SEMA3A: variants seen among roughly 807,000 people sequenced by gnomAD.
SEMA3A encodes semaphorin 3A.
SEMA3A carries 29 observed loss-of-function variants against 97.9 expected under a neutral mutation model. The observed-to-expected ratio is 0.30, with a 90% CI of 0.22 to 0.40. The LOEUF (loss-of-function observed/expected upper bound fraction) is 0.40. SEMA3A is among the 10% of genes least tolerant of loss of function. The pLI is 1.00. For synonymous variants in SEMA3A, 321 were observed against 323.7 expected (o/e 0.99, Z 0.09); for missense variants, 763 against 951.3 (o/e 0.80, Z 2.60).
At chr7:84,298,177 T>C (rs1800915367) in intron 3 of SEMA3A, among the ~76,000 whole-genome samples, 1 of 152,186 alleles carries the variant, frequency 6.6e-6, no homozygotes, top group African/African-American at 2.4e-5. Context: ...AAATTATTTC[T>C]TCTGCCTATC....
chr7:84,482,495 C>G (rs1237543720), intron 1 of SEMA3A, among the ~76,000 whole-genome samples: 1 of 152,086 alleles, frequency 6.6e-6, no homozygotes, highest in African/African-American at 2.4e-5. Flanking sequence ...CTAAAATATT[C>G]TGAGACTGTT....
intron 7 of SEMA3A, among the ~76,000 whole-genome samples, chr7:84,012,613 T>C (rs1378243062): frequency 6.6e-6 from 1 of 152,224 alleles, no homozygotes; most frequent in Non-Finnish European, 1.5e-5. Context: ...AAATATTTTA[T>C]AAGCTGAAGG....
In SEMA3A at chr7:84,435,322, C is replaced by T. The variant is rs771627501; in HGVS notation, c.-246+57138G>A. Reference sequence around the variant, plus strand: ...TGTCCAAAGAGGTGAAAGATCTCTACGAGGAGGCTGGGTGCAGTGGCTCAT... The same window carrying T: ...TGTCCAAAGAGGTGAAAGATCTCTATGAGGAGGCTGGGTGCAGTGGCTCAT... On this transcript the variant is annotated intron_variant, in intron 1 of 3. Coordinates refer to the SEMA3A transcript ENST00000424555. Among the ~76,000 whole-genome samples, 144 of 151,882 alleles carry T rather than the reference C, an allele frequency of 9.5e-4. 1 individual carries two copies. Among genetic ancestry groups the T allele is most frequent in the Non-Finnish European group, 1.4e-3 (96 of 67,984 alleles).
intron 4 of SEMA3A, among the ~76,000 whole-genome samples, chr7:84,083,031 TAAC>T (rs1408308792): frequency 1.3e-5 from 2 of 151,852 alleles, no homozygotes; most frequent in African/African-American, 4.8e-5. Context: ...CAGTAATATA[TAAC>T]AACATTTTAA....
intron 3 of SEMA3A, among the ~76,000 whole-genome samples, chr7:84,221,207 A>G (rs1312397779): frequency 2.6e-5 from 4 of 152,206 alleles, no homozygotes; most frequent in Non-Finnish European, 2.9e-5. Flanking sequence ...TTTCTTCTGT[A>G]GCTTCTGCAC....
At chr7:84,037,552 T>C (rs900795733) in intron 6 of SEMA3A, among the ~76,000 whole-genome samples, 2 of 152,128 alleles carry the variant, frequency 1.3e-5, no homozygotes, top group Non-Finnish European at 1.5e-5. Context: ...GAGAAATCTG[T>C]AAACACGTTG....
chr7:84,039,323 G>C (rs540618806), intron 6 of SEMA3A, among the ~76,000 whole-genome samples: 1 of 152,170 alleles, frequency 6.6e-6, no homozygotes, highest in African/African-American at 2.4e-5. Flanking sequence ...GGAGGACCTG[G>C]GATATAAACT....
Position 84,085,452 on chromosome 7 carries a change from T to C in SEMA3A, c.454-24894A>G, listed in dbSNP as rs1402520587. Among the ~76,000 whole-genome samples the C allele has an allele frequency of 1.5e-4, 22 of 151,230 alleles. 1 individual carries two copies. Among genetic ancestry groups the C allele is most frequent in the Admixed American group, 1.4e-3 (22 of 15,182 alleles). On this transcript the variant is annotated intron_variant, in intron 4 of 16. Coordinates refer to ENST00000265362, the MANE Select transcript of SEMA3A (RefSeq NM_006080.3). ...TGGATGAGGGCAATGAGTGAACACATATGGAAGTGAAAAACTGTAGTAAGA... is the reference window on the plus strand; with the variant it reads ...TGGATGAGGGCAATGAGTGAACACACATGGAAGTGAAAAACTGTAGTAAGA...
chr7:84,322,820 A>G (rs543556945), intron 2 of SEMA3A, among the ~76,000 whole-genome samples: 96 of 152,246 alleles, frequency 6.3e-4, no homozygotes, highest in Non-Finnish European at 1.2e-3. Context: ...GTGAAATCAC[A>G]TCAGTCATGT....
chr7:84,020,949 A>G (rs963613117), intron 6 of SEMA3A, among the ~76,000 whole-genome samples: 1 of 152,220 alleles, frequency 6.6e-6, no homozygotes, highest in African/African-American at 2.4e-5. Flanking sequence ...TGAGAAATTA[A>G]CACAATTTAA....
At chr7:84,296,956 T>C (rs1315243357) in intron 3 of SEMA3A, among the ~76,000 whole-genome samples, 1 of 152,076 alleles carries the variant, frequency 6.6e-6, no homozygotes, top group Admixed American at 6.6e-5. Flanking sequence ...AAAAACAGTT[T>C]GATATTCTTT....
chr7:84,146,460 A>AT (rs57407128), intron 1 of SEMA3A, among the ~76,000 whole-genome samples: 12 of 152,060 alleles, frequency 7.9e-5, no homozygotes, highest in African/African-American at 2.9e-4. Flanking sequence ...ATTTCTCCAC[A>AT]TTTTTTTGCT....
At chr7:84,160,720 A>C (rs1380804234) in intron 1 of SEMA3A, among the ~76,000 whole-genome samples, 1 of 151,818 alleles carries the variant, frequency 6.6e-6, no homozygotes, top group African/African-American at 2.4e-5. Context: ...TCTACTAATA[A>C]TACAAAAAAA....
intron 12 of SEMA3A, among the ~76,000 whole-genome samples, chr7:83,992,722 G>T (rs1376256299): frequency 6.6e-6 from 1 of 151,992 alleles, no homozygotes; most frequent in African/African-American, 2.4e-5. Context: ...ATTTGCTGAG[G>T]AGAGCTTCCC....
intron 1 of SEMA3A, among the ~76,000 whole-genome samples, chr7:84,396,675 C>T (rs548538794): frequency 6.6e-6 from 1 of 151,958 alleles, no homozygotes; most frequent in Non-Finnish European, 1.5e-5. Context: ...ATTGAACAAA[C>T]CTCCAAAGAT....
intron 2 of SEMA3A, among the ~76,000 whole-genome samples, chr7:84,320,368 C>T (rs1412375963): frequency 6.6e-6 from 1 of 151,718 alleles, no homozygotes; most frequent in Non-Finnish European, 1.5e-5. Context: ...ATGTTTCTTC[C>T]AGTACAATGA....
At chr7:84,354,795 C>T (rs1802517462) in intron 2 of SEMA3A, among the ~76,000 whole-genome samples, 1 of 151,406 alleles carries the variant, frequency 6.6e-6, no homozygotes, top group African/African-American at 2.4e-5. Flanking sequence ...ATGCCCCACA[C>T]GCAGAACAAA....
rs1156300882 is a variant in SEMA3A at position 84,099,182 on chromosome 7, TGCCTCAGCCTCCC to T, written c.453+11275_453+11287del. On this transcript the variant is annotated intron_variant, in intron 4 of 16. Transcript: ENST00000265362. ...GCCTCCCGGGTTCACGCCATTCTCC[TGCCTCAGCCTCCC>T]GAGTAGCTGGGACTACAGGCGCCCG... Among the ~76,000 whole-genome samples the T allele has an allele frequency of 4.6e-5, 5 of 108,736 alleles. 2 individuals are homozygous for T. Among genetic ancestry groups the T allele is most frequent in the Non-Finnish European group, 1.1e-4 (5 of 45,932 alleles). The allele number at this position is 108,736 out of a possible 152,430, so 71.3% of individuals were successfully genotyped here.
chr7:84,025,096 A>C (rs1791500995), intron 6 of SEMA3A, among the ~76,000 whole-genome samples: 1 of 152,276 alleles, frequency 6.6e-6, no homozygotes, highest in Middle Eastern at 3.4e-3. Context: ...TTAAATGAAT[A>C]AATAAATAAA....
Sources: allele counts gnomAD v4.1 joint callset (sites outside exome capture counted in the v4.1 genomes callset), GRCh38; gene constraint gnomAD v4.1.1; transcripts MANE v1.5; gene names NCBI Gene and HGNC (gene_info 2026-07-23, HGNC 2026-07-21).